Variants in EXOC5 observed in about 807,000 individuals in gnomAD.
The protein encoded by EXOC5 is SEC10-like 1.
Under a neutral mutation model 90.8 loss-of-function variants are expected in EXOC5, and 17 were observed. The ratio of observed to expected loss-of-function variants is 0.19; its 90% CI spans 0.13 to 0.28. The LOEUF (loss-of-function observed/expected upper bound fraction) is 0.28, where lower values mean the gene tolerates loss of function less well. EXOC5 is among the 10% of genes least tolerant of loss of function. EXOC5 has a pLI of 1.00. For missense variants in EXOC5, 569 were observed against 830.6 expected (o/e 0.69, Z 3.87); for synonymous variants, 260 against 270.0 (o/e 0.96, Z 0.36).
At chr14:57,248,488 A>G (rs1884091372) in intron 1 of EXOC5, among the ~76,000 whole-genome samples, 1 of 152,050 alleles carries the variant, frequency 6.6e-6, no homozygotes, top group Non-Finnish European at 1.5e-5. Flanking sequence ...TAGCTGATGA[A>G]AAAAGCAGGA....
rs558824694 is a variant in EXOC5 at position 57,268,258 on chromosome 14, G to A, written c.27+364C>T. 8 of 370,324 alleles carry A rather than the reference G, an allele frequency of 2.2e-5. No homozygotes were observed. The South Asian group carries it at 2.7e-4, about 12-fold the overall frequency. 22.9% of individuals were successfully genotyped at this position (370,324 alleles called of 1,614,324 possible). On this transcript the variant is annotated intron_variant, in intron 1 of 17. Coordinates refer to ENST00000621441, the MANE Select transcript of EXOC5 (RefSeq NM_006544.4). ...AAGACTCGCCCAACCTGAGGCTCCT[G>A]GCTCTCTTTCCTCGTCCTGAGTCAG...
intron 7 of EXOC5, 80 bp downstream of exon 7, chr14:57,235,631 A>G (rs999923692): frequency 1.4e-6 from 1 of 706,072 alleles, no homozygotes; most frequent in African/African-American, 1.8e-5. Context: ...TGAATGGGGG[A>G]AATCAGAGAC....
At position 57,210,005 on chromosome 14, in the gene EXOC5, T is replaced by C; in HGVS notation, c.1670A>G (p.Lys557Arg). The C allele has an allele frequency of 6.3e-7, 1 of 1,599,330 alleles. No homozygotes were observed. Among genetic ancestry groups the C allele is most frequent in the Admixed American group, 1.7e-5 (1 of 59,370 alleles). ...MKHILAAEQK[K>R]TDFKPEDENN... ...TTCATCTTCTGGCTTAAAATCTGTTTTCTTCTGTTCTGCAGCCAAAATATG... is the reference window on the plus strand; with the variant it reads ...TTCATCTTCTGGCTTAAAATCTGTTCTCTTCTGTTCTGCAGCCAAAATATG... The change falls in exon 16 of 18, where the codon AAA becomes AGA. Residue 557 changes from lysine to arginine, a missense_variant. Around this residue, in one of 9 missense-constraint regions of EXOC5, gnomAD observed 34 missense variants for 101.1 expected, o/e 0.34. Coordinates refer to ENST00000621441, the MANE Select transcript of EXOC5 (RefSeq NM_006544.4).
At chr14:57,226,082 G>A (rs1044588933) in intron 12 of EXOC5, among the ~76,000 whole-genome samples, 7 of 152,206 alleles carry the variant, frequency 4.6e-5, no homozygotes, top group African/African-American at 1.7e-4. Flanking sequence ...TCTCAGGTGA[G>A]CTGAGGGATG....
intron 5 of EXOC5, 52 bp from the exon 6 acceptor site, chr14:57,237,418 T>C (rs769083438): frequency 7.9e-7 from 1 of 1,263,264 alleles, no homozygotes; most frequent in South Asian, 1.3e-5. Context: ...AAACATCCTA[T>C]GGCAATGTAA....
At chr14:57,241,526 AT>A (rs1384162550) in intron 4 of EXOC5, among the ~76,000 whole-genome samples, 20 of 152,288 alleles carry the variant, frequency 1.3e-4, no homozygotes, top group Admixed American at 1.0e-3. Flanking sequence ...CATCATCATC[AT>A]TGTGCTATTG....
At position 57,259,261 on chromosome 14, in the gene EXOC5, GC is replaced by G. The variant is rs201445682; in HGVS notation, c.27+9360del. Among the ~76,000 whole-genome samples, 670 of 152,090 alleles carry G rather than the reference GC, an allele frequency of 4.4e-3. 6 individuals are homozygous for G. Among genetic ancestry groups the G allele is most frequent in the African/African-American group, 0.015 (625 of 41,468 alleles). ...TTACAAGTGTGCGCCATCACATCCG[GC>G]TAATTTTTATATTTTTAGTAGAGAT... On this transcript the variant is annotated intron_variant, in intron 1 of 17. Transcript: ENST00000621441.
At chr14:57,220,642 A>G (rs1883103617) in intron 13 of EXOC5, among the ~76,000 whole-genome samples, 1 of 152,046 alleles carries the variant, frequency 6.6e-6, no homozygotes, top group South Asian at 2.1e-4. Flanking sequence ...TCTACAAAAA[A>G]AGAAAAAATT....
Position 57,222,397 on chromosome 14 carries a change from A to G in EXOC5, c.1316T>C (p.Leu439Ser). The change falls in exon 13 of 18, where the codon TTA (leucine) becomes TCA (serine). Residue 439 changes from leucine to serine, a missense_variant. Physicochemically the swap from Leu to Ser is moderately radical, Grantham distance 145. This residue lies in a region of EXOC5 where 56 missense variants were observed against 51.1 expected (regional missense o/e 1.10). Transcript: ENST00000621441. ...AAAAATTCTGAAGGCATTCCTTGGT[A>G]AGTCAGAAGGATCAGAGAGCTTAAA... ...RCHRLSDPSDLPRNAFRIFTI... is the reference protein window; with the variant it reads ...RCHRLSDPSDSPRNAFRIFTI... 1.3e-6 allele frequency: 2 copies of G among 1,596,236 alleles called. No homozygotes were observed. The highest frequency in any genetic ancestry group is 1.7e-6 in the Non-Finnish European group (2 of 1,168,126).
At chr14:57,250,691 A>C (rs1008207155) in intron 1 of EXOC5, among the ~76,000 whole-genome samples, 7 of 152,144 alleles carry the variant, frequency 4.6e-5, no homozygotes, top group Non-Finnish European at 7.3e-5. Flanking sequence ...CAAATGTTTA[A>C]CAGGTATAGA....
Position 57,201,591 on chromosome 14 carries a change from T to TAC in EXOC5, c.*7017_*7018insGT, listed in dbSNP as rs1435332338. The stretch of plus-strand genomic sequence containing the variant: ...TATTATATATATATATATATATATA[T>TAC]ATATAAAGGATGGCTGGTTAAGGTG... On this transcript the variant is annotated 3_prime_UTR_variant, in exon 18 of 18. Transcript: ENST00000621441. The TAC allele has an allele frequency of 1.5e-5, 2 of 129,820 alleles. No individual in the cohort carries two copies. The highest frequency in any genetic ancestry group is 3.1e-5 in the Non-Finnish European group (2 of 63,554). 8.0% of individuals were successfully genotyped at this position (129,820 alleles called of 1,614,324 possible).
In EXOC5 at chr14:57,219,458, A is replaced by G. The variant is rs1435754004; in HGVS notation, c.1406-16T>C. 2 of 1,559,330 alleles carry G rather than the reference A, an allele frequency of 1.3e-6. No individual in the cohort carries two copies. The highest frequency in any genetic ancestry group is 2.1e-5 in the Admixed American group (1 of 48,360). ...GAGGGAATTCCTAAAACCAGAAAGC[A>G]TACATATGTTAGAATCATCCTTGAA... On this transcript the variant is annotated splice_polypyrimidine_tract_variant and intron_variant, in intron 13 of 17. Coordinates refer to ENST00000621441, the MANE Select transcript of EXOC5 (RefSeq NM_006544.4).
rs886092069 is a variant in EXOC5, at chr14:57,202,530, AGTCTGATT to A, written c.*6071_*6078del. On this transcript the variant is annotated 3_prime_UTR_variant, in exon 18 of 18. Transcript: ENST00000621441. Reference sequence around the variant, plus strand: ...TACAGTATTTACAACCCTTCTGTTAAGTCTGATTGTTTCAAAAATTTTTCTTTAAAAAG... The same window carrying A: ...TACAGTATTTACAACCCTTCTGTTAAGTTTCAAAAATTTTTCTTTAAAAAG... 12 of 152,326 alleles carry A rather than the reference AGTCTGATT, an allele frequency of 7.9e-5. No individual in the cohort carries two copies. The highest frequency in any genetic ancestry group is 2.6e-4 in the African/African-American group (11 of 41,574). 9.4% of individuals were successfully genotyped at this position (152,326 alleles called of 1,614,324 possible).
intron 15 of EXOC5, among the ~76,000 whole-genome samples, chr14:57,217,109 A>C (rs1018513243): frequency 6.6e-5 from 10 of 152,214 alleles, no homozygotes; most frequent in African/African-American, 2.2e-4. Context: ...AATAGATAAC[A>C]AGCGTTGTCA....
intron 1 of EXOC5, among the ~76,000 whole-genome samples, chr14:57,263,029 G>C (rs915955763): frequency 2.0e-4 from 30 of 152,168 alleles, no homozygotes; most frequent in African/African-American, 6.5e-4. Context: ...ATGTCAGGTT[G>C]CCCACGATCC....
chr14:57,240,027 G>A (rs74054213), intron 4 of EXOC5, among the ~76,000 whole-genome samples: 6,390 of 152,044 alleles, frequency 0.042, 419 homozygotes, highest in African/African-American at 0.15. Context: ...AACCCGAAAA[G>A]GATAAACGAG....
chr14:57,257,626 G>A (rs1023301885), intron 1 of EXOC5, among the ~76,000 whole-genome samples: 3 of 152,114 alleles, frequency 2.0e-5, no homozygotes, highest in African/African-American at 4.8e-5. Context: ...AAGGGTTTAC[G>A]AGAAGTCAGC....
chr14:57,238,408 ACATATT>A (rs1883746802), intron 5 of EXOC5, among the ~76,000 whole-genome samples: 1 of 148,340 alleles, frequency 6.7e-6, no homozygotes, highest in African/African-American at 2.5e-5. Context: ...ACACACACAC[ACATATT>A]CATATTCATA....
At chr14:57,268,506 A>T in intron 1 of EXOC5, 116 bp downstream of exon 1, 1 of 1,526,110 alleles carries the variant, frequency 6.6e-7, no homozygotes, top group Non-Finnish European at 8.8e-7. Context: ...TCTGTTTCGC[A>T]CCTCTCTCCC....
Sources: allele counts gnomAD v4.1 joint callset (sites outside exome capture counted in the v4.1 genomes callset), GRCh38; gene constraint gnomAD v4.1.1; regional missense constraint gnomAD v4.1.1; transcripts MANE v1.5; gene names NCBI Gene and HGNC (gene_info 2026-07-23, HGNC 2026-07-21).